PRELID2: variants seen among roughly 807,000 people sequenced by gnomAD.
PRELID2 encodes PRELI domain containing 2.
PRELID2 carries 25 observed loss-of-function variants against 28.4 expected under a neutral mutation model. The observed-to-expected ratio is 0.88, with a 90% CI of 0.64 to 1.23. PRELID2 has a LOEUF of 1.23. Among genes scored for constraint, PRELID2 ranks in the 50% most tolerant of loss-of-function variants. The probability of loss-of-function intolerance (pLI) is 0.00; values close to 1 mark genes in which losing one functional copy is unlikely to be tolerated. For synonymous variants in PRELID2, 76 were observed against 71.6 expected (o/e 1.06, Z -0.31); for missense variants, 201 against 214.4 (o/e 0.94, Z 0.39).
chr5:145,657,057 A>G (rs1212213637), intron 1 of PRELID2, among the ~76,000 whole-genome samples: 1 of 152,174 alleles, frequency 6.6e-6, no homozygotes, highest in Non-Finnish European at 1.5e-5. Context: ...ATATTAGTTT[A>G]ATTATAATTT....
the PRELID2 span, among the ~76,000 whole-genome samples, chr5:145,356,261 G>A: frequency 6.6e-6 from 1 of 152,044 alleles, no homozygotes; most frequent in African/African-American, 2.4e-5. Context: ...CTGTACTTAA[G>A]GCTGACTTGT....
At chr5:145,742,686 A>G (rs1374699711) in intron 1 of PRELID2, among the ~76,000 whole-genome samples, 1 of 151,274 alleles carries the variant, frequency 6.6e-6, no homozygotes, top group Non-Finnish European at 1.5e-5. Flanking sequence ...TCCCACCTCA[A>G]GATCAAGAAA....
intron 5 of PRELID2, among the ~76,000 whole-genome samples, chr5:145,773,344 G>A (rs551347116): frequency 8.5e-5 from 13 of 152,258 alleles, no homozygotes; most frequent in African/African-American, 3.1e-4. Context: ...GATTTAAGTC[G>A]CTGGTGTTTT....
chr5:145,551,567 A>G (rs1005496472), intron 1 of PRELID2, among the ~76,000 whole-genome samples: 1 of 152,220 alleles, frequency 6.6e-6, no homozygotes, highest in Non-Finnish European at 1.5e-5. Flanking sequence ...CCTTCTTTCA[A>G]TTAAAAAAAT....
At chr5:145,539,889 AT>A (rs915280300) in intron 1 of PRELID2, among the ~76,000 whole-genome samples, 35 of 152,016 alleles carry the variant, frequency 2.3e-4, no homozygotes, top group African/African-American at 7.7e-4. Context: ...ACTATGAAAA[AT>A]GTTAGTATTA....
chr5:145,303,482 G>C, the PRELID2 span, among the ~76,000 whole-genome samples: 1 of 152,086 alleles, frequency 6.6e-6, no homozygotes, highest in Non-Finnish European at 1.5e-5. Context: ...AGAACTCATG[G>C]TGCCCTGGGA....
At chr5:145,565,954 C>A (rs1304359142) in intron 1 of PRELID2, among the ~76,000 whole-genome samples, 1 of 152,172 alleles carries the variant, frequency 6.6e-6, no homozygotes, top group Non-Finnish European at 1.5e-5. Context: ...AGAATGACCA[C>A]ATGGACACAT....
chr5:145,245,448 TC>T, the PRELID2 span, among the ~76,000 whole-genome samples: 1 of 151,906 alleles, frequency 6.6e-6, no homozygotes, highest in Non-Finnish European at 1.5e-5. Flanking sequence ...CACATTAATA[TC>T]CAAAAAACAT....
At chr5:145,457,794 T>C in the PRELID2 span, among the ~76,000 whole-genome samples, 1 of 152,168 alleles carries the variant, frequency 6.6e-6, no homozygotes. Flanking sequence ...ACATGCCCCT[T>C]AACCTTGGTT....
chr5:145,740,320 A>G (rs1375153136), intron 1 of PRELID2, among the ~76,000 whole-genome samples: 48 of 95,178 alleles, frequency 5.0e-4, no homozygotes, highest in African/African-American at 1.9e-3. Context: ...ATATATATAT[A>G]AATCCTAAAT....
At chr5:145,244,387 A>T in the PRELID2 span, among the ~76,000 whole-genome samples, 1 of 152,202 alleles carries the variant, frequency 6.6e-6, no homozygotes. Context: ...AGTATTTAGC[A>T]AAGTGCCTGG....
chr5:145,764,487 G>A (rs1203154221), intron 6 of PRELID2, among the ~76,000 whole-genome samples: 1 of 152,176 alleles, frequency 6.6e-6, no homozygotes, highest in African/African-American at 2.4e-5. Flanking sequence ...ACCATCAGTG[G>A]AAATACATAT....
intron 1 of PRELID2, among the ~76,000 whole-genome samples, chr5:145,684,542 A>C (rs1307081650): frequency 6.6e-6 from 1 of 152,198 alleles, no homozygotes; most frequent in Non-Finnish European, 1.5e-5. Context: ...ACTGTGCTTC[A>C]CATTCATGCT....
chr5:145,548,855 G>A (rs905526242), intron 1 of PRELID2, among the ~76,000 whole-genome samples: 4 of 152,034 alleles, frequency 2.6e-5, no homozygotes, highest in African/African-American at 9.7e-5. Flanking sequence ...TCTGAATAAG[G>A]CCCAAGGCTC....
At chr5:145,507,542 T>C (rs1752422800) in intron 1 of PRELID2, among the ~76,000 whole-genome samples, 1 of 152,146 alleles carries the variant, frequency 6.6e-6, no homozygotes, top group Non-Finnish European at 1.5e-5. Context: ...TTTCCCTGTG[T>C]TTTTTCTAGT....
the PRELID2 span, among the ~76,000 whole-genome samples, chr5:145,353,450 T>A: frequency 6.6e-6 from 1 of 151,096 alleles, no homozygotes; most frequent in Non-Finnish European, 1.5e-5. Context: ...GTGACATAGC[T>A]AGAATCCATC....
chr5:145,803,543 T>C (rs1412525560), intron 4 of PRELID2, among the ~76,000 whole-genome samples: 1 of 152,156 alleles, frequency 6.6e-6, no homozygotes, highest in African/African-American at 2.4e-5. Context: ...TGAAGCTCTG[T>C]GAAGTTCGCT....
chr5:145,298,334 A>G, the PRELID2 span, among the ~76,000 whole-genome samples: 1 of 152,298 alleles, frequency 6.6e-6, no homozygotes, highest in African/African-American at 2.4e-5. Flanking sequence ...CAACTATCTG[A>G]TCTTTGACAA....
chr5:145,551,163 G>A (rs1349088530), intron 1 of PRELID2, among the ~76,000 whole-genome samples: 1 of 152,068 alleles, frequency 6.6e-6, no homozygotes, highest in Admixed American at 6.6e-5. Context: ...TGCTTATTGG[G>A]AGGCCGAGGG....
Sources: allele counts gnomAD v4.1 joint callset (sites outside exome capture counted in the v4.1 genomes callset), GRCh38; gene constraint gnomAD v4.1.1; transcripts MANE v1.5; gene names NCBI Gene and HGNC (gene_info 2026-07-23, HGNC 2026-07-21).